Variants in PCOLCE observed in about 807,000 individuals in gnomAD.
PCOLCE encodes the protein procollagen C-endopeptidase enhancer 1.
A neutral mutation model predicts 47.2 loss-of-function variants in PCOLCE; 33 were observed. The ratio of observed to expected loss-of-function variants is 0.70; its 90% CI spans 0.53 to 0.93. The LOEUF (loss-of-function observed/expected upper bound fraction) is 0.93. PCOLCE is among the 40% of genes least tolerant of loss of function. The pLI, the probability that PCOLCE is intolerant of heterozygous loss-of-function variation, is 0.00. For synonymous variants in PCOLCE, 254 were observed against 252.5 expected, an observed-to-expected ratio of 1.01 and a Z score of -0.06; for missense variants, 584 against 585.3, an observed-to-expected ratio of 1.00 and a Z score of 0.02.
Position 100,604,313 on chromosome 7 carries a change from C to T in PCOLCE, c.463+96C>T, listed in dbSNP as rs917983539. The T allele has an allele frequency of 3.6e-4, 426 of 1,176,610 alleles. No individual in the cohort carries two copies. The highest frequency in any genetic ancestry group is 4.7e-4 in the Non-Finnish European group (396 of 842,240). 72.9% of individuals were successfully genotyped at this position (1,176,610 alleles called of 1,614,324 possible). The stretch of plus-strand genomic sequence containing the variant: ...TAACCTCCGCCCCGCCCACCCCGCG[C>T]CCCAGTGCCTAGGGCCCCCTACCTC... On this transcript the variant is annotated intron_variant, in intron 3 of 8. Transcript: ENST00000223061. The surrounding 1 kb of genome is among the most constrained non-coding windows in gnomAD (Gnocchi z 6.4).
Position 100,604,518 on chromosome 7 carries a change from C to T in PCOLCE, c.463+301C>T, listed in dbSNP as rs1471622162. 2.0e-6 allele frequency: 1 copy of T among 495,410 alleles called. No homozygotes were observed. Among genetic ancestry groups the T allele is most frequent in the South Asian group, 2.0e-5 (1 of 49,438 alleles). The allele number at this position is 495,410 out of a possible 1,614,324, so 30.7% of individuals were successfully genotyped here. A position where few individuals can be genotyped will look rare whatever the true frequency, so the allele number is the denominator to read the frequency against. On this transcript the variant is annotated intron_variant, in intron 3 of 8. Coordinates refer to ENST00000223061, the MANE Select transcript of PCOLCE (RefSeq NM_002593.4). This position sits in a 1 kb window ranked among gnomAD's most constrained non-coding sequence, Gnocchi z 6.4. ...TACTGGGACGGTGAGTAACTGCCGG[C>T]CCCCGTCCGCAATCGGGCTCCCTCC... is the stretch of plus-strand genomic sequence containing the variant.
chr7:100,603,341 T>G, intron 1 of PCOLCE, 89 bp from the exon 2 acceptor site: 2 of 676,066 alleles, frequency 3.0e-6, no homozygotes, highest in Non-Finnish European at 5.1e-6. Context: ...CTCCTTGGAG[T>G]TTCATCCTCA....
Position 100,605,497 on chromosome 7 carries a change from C to A in PCOLCE, c.589-179C>A. The stretch of plus-strand genomic sequence containing the variant: ...CCTTGCCAACCACGACGACCGACAC[C>A]CCTGCAGGGTCCCATGGGTGTGTGT... On this transcript the variant is annotated intron_variant, in intron 4 of 8. Coordinates refer to ENST00000223061, the MANE Select transcript of PCOLCE (RefSeq NM_002593.4). This position sits in a 1 kb window ranked among gnomAD's most constrained non-coding sequence, Gnocchi z 6.1. The A allele has an allele frequency of 1.3e-6, 1 of 776,940 alleles. No homozygotes were observed. Among genetic ancestry groups the A allele is most frequent in the Non-Finnish European group, 2.0e-6 (1 of 494,354 alleles). 48.1% of individuals were successfully genotyped at this position (776,940 alleles called of 1,614,324 possible).
rs1802671244 is a variant in PCOLCE at position 100,604,279 on chromosome 7, C to T, written c.463+62C>T. ...GGCCCCGCCCCGGCCGCAGCCCCGCCCCCAGCCCTAACCTCCGCCCCGCCC... is the reference window on the plus strand; with the variant it reads ...GGCCCCGCCCCGGCCGCAGCCCCGCTCCCAGCCCTAACCTCCGCCCCGCCC... On this transcript the variant is annotated intron_variant, in intron 3 of 8. Coordinates refer to ENST00000223061, the MANE Select transcript of PCOLCE (RefSeq NM_002593.4). The surrounding 1 kb of genome is among the most constrained non-coding windows in gnomAD (Gnocchi z 6.4). 2 of 1,445,596 alleles carry T rather than the reference C, an allele frequency of 1.4e-6. No homozygotes were observed. Among genetic ancestry groups the T allele is most frequent in the Non-Finnish European group, 9.3e-7 (1 of 1,074,046 alleles). The allele number at this position is 1,445,596 out of a possible 1,614,324, so 89.5% of individuals were successfully genotyped here.
At chr7:100,603,577 T>C in intron 2 of PCOLCE, 39 bp downstream of exon 2, 1 of 1,109,564 alleles carries the variant, frequency 9.0e-7, no homozygotes, top group Non-Finnish European at 1.3e-6. Flanking sequence ...TGTTAAAGTC[T>C]CAGAGGCAAA....
chr7:100,607,483 G>C lies in PCOLCE; in HGVS notation c.972G>C (p.Arg324=). Residue 324 remains arginine, a synonymous_variant, in exon 7 of 9, where the codon CGG becomes CGC. Coordinates refer to ENST00000223061, the MANE Select transcript of PCOLCE (RefSeq NM_002593.4). ...CCACCTGCCCAAAGCAGTGCCGCCGGACAGGCACCTTGCAGAGCAACTTCT... is the reference window on the plus strand; with the variant it reads ...CCACCTGCCCAAAGCAGTGCCGCCGCACAGGCACCTTGCAGAGCAACTTCT... ...DAPTCPKQCR[R]TGTLQSNFCA... is the part of the protein sequence containing the mutation. 15 of 1,614,014 alleles carry C rather than the reference G, an allele frequency of 9.3e-6. No homozygotes were observed. The highest frequency in any genetic ancestry group is 1.3e-5 in the Non-Finnish European group (15 of 1,179,994).
rs1439898854 is a variant in PCOLCE at position 100,608,069 on chromosome 7, C to T, written c.1316C>T (p.Ser439Phe). ...LTNLSKRKCP[S>F]QPVRAAASQD ...AACCTAAGCAAGAGGAAGTGCCCCT[C>T]TCAACCTGTGCGGGCTGCTGCGTCC... Residue 439 changes from serine to phenylalanine, a missense_variant, in exon 9 of 9, where the codon TCT (serine) becomes TTT (phenylalanine). Coordinates refer to ENST00000223061, the MANE Select transcript of PCOLCE (RefSeq NM_002593.4). The T allele has an allele frequency of 9.9e-6, 16 of 1,613,892 alleles. No homozygotes were observed. The highest frequency in any genetic ancestry group is 1.4e-5 in the Non-Finnish European group (16 of 1,180,034).
At position 100,602,441 on chromosome 7, in the gene PCOLCE, C is replaced by A. The variant is rs959666855; in HGVS notation, c.-16C>A. The A allele has an allele frequency of 1.3e-6, 2 of 1,568,728 alleles. No homozygotes were observed. Among genetic ancestry groups the A allele is most frequent in the Non-Finnish European group, 1.8e-6 (2 of 1,140,934 alleles). Reference sequence around the variant, plus strand: ...TGCCTCTGTCTTGAGGACCCCAGCGCCTTTCCCCCGGGGCCATGCTGCCTG... The same window carrying A: ...TGCCTCTGTCTTGAGGACCCCAGCGACTTTCCCCCGGGGCCATGCTGCCTG... On this transcript the variant is annotated 5_prime_UTR_variant, in exon 1 of 9. Transcript: ENST00000223061.
rs1802632900 is a variant in PCOLCE at position 100,602,712 on chromosome 7, T to G, written c.95+161T>G. On this transcript the variant is annotated intron_variant, in intron 1 of 8. Coordinates refer to ENST00000223061, the MANE Select transcript of PCOLCE (RefSeq NM_002593.4). ...TGGCCCCCAAATCCTCCCCATCTGC[T>G]GCAAGACCTTGGTCTCCTGCAGGCC... 14 of 614,118 alleles carry G rather than the reference T, an allele frequency of 2.3e-5. 1 individual carries two copies. The East Asian group carries it at 3.6e-4, about 16-fold the overall frequency. The allele number at this position is 614,118 out of a possible 1,614,324, so 38.0% of individuals were successfully genotyped here.
In PCOLCE at chr7:100,604,335, C is replaced by G; in HGVS notation, c.463+118C>G. 1 of 840,656 alleles carries G rather than the reference C, an allele frequency of 1.2e-6. No homozygotes were observed. Among genetic ancestry groups the G allele is most frequent in the Non-Finnish European group, 1.8e-6 (1 of 547,586 alleles). The allele number at this position is 840,656 out of a possible 1,614,324, so 52.1% of individuals were successfully genotyped here. On this transcript the variant is annotated intron_variant, in intron 3 of 8. Transcript: ENST00000223061. This position sits in a 1 kb window ranked among gnomAD's most constrained non-coding sequence, Gnocchi z 6.4. ...GCGCCCCAGTGCCTAGGGCCCCCTA[C>G]CTCCCTGACCCATTTTCCTCACTAA...
intron 5 of PCOLCE, chr7:100,606,200 G>A (rs1036715951): frequency 2.8e-5 from 16 of 563,278 alleles, no homozygotes; most frequent in Admixed American, 1.9e-4. Context: ...GCATGGTGGC[G>A]TGCCTGTAGT....
chr7:100,606,343 G>A, intron 5 of PCOLCE, 73 bp from the exon 6 acceptor site: 1 of 1,062,882 alleles, frequency 9.4e-7, no homozygotes, highest in Non-Finnish European at 1.4e-6. Context: ...AAACAAAAAA[G>A]GTCATGGGGC....
In PCOLCE at chr7:100,604,393, TC is replaced by T. The variant is rs1176078928; in HGVS notation, c.463+180del. On this transcript the variant is annotated intron_variant, in intron 3 of 8. Coordinates refer to ENST00000223061, the MANE Select transcript of PCOLCE (RefSeq NM_002593.4). The surrounding 1 kb of genome is among the most constrained non-coding windows in gnomAD (Gnocchi z 6.4). ...TTCAGTCCCTCCTCCCCGTCTTCTC[TC>T]CCCTCCTCCCGCACCCACCCATCCC... 1.6e-6 allele frequency: 1 copy of T among 613,736 alleles called. No individual in the cohort carries two copies. The highest frequency in any genetic ancestry group is 1.9e-5 in the South Asian group (1 of 51,674). 38.0% of individuals were successfully genotyped at this position (613,736 alleles called of 1,614,324 possible).
intron 6 of PCOLCE, 108 bp downstream of exon 6, chr7:100,606,738 C>A: frequency 1.2e-6 from 1 of 804,354 alleles, no homozygotes; most frequent in Non-Finnish European, 2.0e-6. Flanking sequence ...TTTGGGAGGT[C>A]CAGACAGCAG....
rs1225379375 is a variant in PCOLCE, at chr7:100,605,644, G to A, written c.589-32G>A. The A allele has an allele frequency of 1.3e-6, 2 of 1,559,910 alleles. No homozygotes were observed. The highest frequency in any genetic ancestry group is 1.4e-5 in the African/African-American group (1 of 73,522). On this transcript the variant is annotated intron_variant, in intron 4 of 8. Coordinates refer to ENST00000223061, the MANE Select transcript of PCOLCE (RefSeq NM_002593.4). The surrounding 1 kb of genome is among the most constrained non-coding windows in gnomAD (Gnocchi z 6.1). ...AGGTGCAGGCGCCCAGGGGTGTCCC[G>A]CCGCGCAGTCCCCGCCTCCGCCCGC...
chr7:100,605,887 G>T lies in PCOLCE; in HGVS notation c.725+75G>T. On this transcript the variant is annotated intron_variant, in intron 5 of 8. Coordinates refer to ENST00000223061, the MANE Select transcript of PCOLCE (RefSeq NM_002593.4). The surrounding 1 kb of genome is among the most constrained non-coding windows in gnomAD (Gnocchi z 6.1). Reference sequence around the variant, plus strand: ...GCACGCGGCTGTTTGGAGGGGCGGGGTTCAGCTAAAGGGACGGGATCTGAA... The same window carrying T: ...GCACGCGGCTGTTTGGAGGGGCGGGTTTCAGCTAAAGGGACGGGATCTGAA... The T allele has an allele frequency of 6.8e-7, 1 of 1,477,820 alleles. No individual in the cohort carries two copies. The highest frequency in any genetic ancestry group is 9.2e-7 in the Non-Finnish European group (1 of 1,091,046). 91.5% of individuals were successfully genotyped at this position (1,477,820 alleles called of 1,614,324 possible).
chr7:100,605,164 T>C lies in PCOLCE; in HGVS notation c.537T>C (p.Asp179=). ...CCACGCCCAACTGGCCCGAGTCCGA[T>C]TACCCCCCGGGCATCAGCTGTTCCT... is the stretch of plus-strand genomic sequence containing the variant. ...TLTTPNWPES[D]YPPGISCSWH... Residue 179 remains aspartate, a synonymous_variant, in exon 4 of 9, where the codon GAT becomes GAC. Transcript: ENST00000223061. This position sits in a 1 kb window ranked among gnomAD's most constrained non-coding sequence, Gnocchi z 6.1. 6.2e-7 allele frequency: 1 copy of C among 1,612,822 alleles called. No homozygotes were observed. Among genetic ancestry groups the C allele is most frequent in the Non-Finnish European group, 8.5e-7 (1 of 1,179,550 alleles).
rs141578594 is a variant in PCOLCE at position 100,607,974 on chromosome 7, C to G, written c.1221C>G (p.Asn407Lys). The G allele has an allele frequency of 6.2e-7, 1 of 1,614,154 alleles. No individual in the cohort carries two copies. Among genetic ancestry groups the G allele is most frequent in the Admixed American group, 1.7e-5 (1 of 60,016 alleles). ...SYLLMGQVEENRGPVLPPESF... is the reference protein window; with the variant it reads ...SYLLMGQVEEKRGPVLPPESF... Reference sequence around the variant, plus strand: ...TGCTGATGGGCCAGGTAGAAGAGAACAGAGGCCCCGTCCTTCCTCCAGAGA... The same window carrying G: ...TGCTGATGGGCCAGGTAGAAGAGAAGAGAGGCCCCGTCCTTCCTCCAGAGA... The change falls in exon 9 of 9, where the codon AAC becomes AAG. Residue 407 changes from asparagine (N) to lysine (K), a missense_variant. Physicochemically the swap from Asn to Lys is moderately conservative, Grantham distance 94. Coordinates refer to ENST00000223061, the MANE Select transcript of PCOLCE (RefSeq NM_002593.4).
chr7:100,603,820 C>T (rs536533287), intron 2 of PCOLCE, 139 bp from the exon 3 acceptor site: 2 of 939,514 alleles, frequency 2.1e-6, no homozygotes, highest in East Asian at 2.5e-5. Context: ...GAGACCAGGC[C>T]CTCTGCTCTG....
Sources: allele counts gnomAD v4.1 joint callset, GRCh38; gene constraint gnomAD v4.1.1; non-coding constraint Gnocchi (gnomAD v3.1); transcripts MANE v1.5; gene names NCBI Gene and HGNC (gene_info 2026-07-23, HGNC 2026-07-21).